DBX1: variants seen among roughly 807,000 people sequenced by gnomAD.
DBX1 encodes homeobox protein DBX1.
In DBX1, 10 loss-of-function variants were observed where a neutral mutation model predicts 20.8. The observed-to-expected ratio is 0.48, with a 90% CI of 0.30 to 0.82. DBX1 has a LOEUF of 0.82. DBX1 is among the 40% of genes least tolerant of loss of function. The pLI is 0.07. For synonymous variants in DBX1, 241 were observed against 213.9 expected (o/e 1.13, Z -1.11); for missense variants, 505 against 468.8 (o/e 1.08, Z -0.71).
chr11:20,156,934 A>G lies in DBX1; in HGVS notation c.672+103T>C. The G allele has an allele frequency of 8.2e-7, 1 of 1,222,026 alleles. No individual in the cohort carries two copies. The highest frequency in any genetic ancestry group is 1.9e-5 in the Admixed American group (1 of 53,336). 75.7% of individuals were successfully genotyped at this position (1,222,026 alleles called of 1,614,324 possible). A position where few individuals can be genotyped will look rare whatever the true frequency, so the allele number is the denominator to read the frequency against. Reference sequence around the variant, plus strand: ...TCTAGGCCTCGGTTTTCCCATCTGTACAGTGGGACCTAAGCCGTTTCCGAA... The same window carrying G: ...TCTAGGCCTCGGTTTTCCCATCTGTGCAGTGGGACCTAAGCCGTTTCCGAA... On this transcript the variant is annotated intron_variant, in intron 3 of 3. Transcript: ENST00000524983. This position sits in a 1 kb window ranked among gnomAD's most constrained non-coding sequence, Gnocchi z 4.8.
At chr11:20,157,301 T>A in intron 2 of DBX1, 62 bp from the exon 3 acceptor site, 1 of 1,453,018 alleles carries the variant, frequency 6.9e-7, no homozygotes, top group Non-Finnish European at 9.3e-7. Context: ...AACACGGCTC[T>A]CCCTGGCTTT....
chr11:20,159,858 T>C, intron 1 of DBX1, 100 bp downstream of exon 1: 8 of 1,500,100 alleles, frequency 5.3e-6, no homozygotes, highest in Non-Finnish European at 7.4e-6. Context: ...TGTGCACCGA[T>C]GTGTGTGTGG....
chr11:20,156,341 T>A lies in DBX1; in HGVS notation c.905A>T (p.Asp302Val), dbSNP rs1202295040. Residue 302 changes from aspartate (D) to valine (V), a missense_variant, in exon 4 of 4, where the codon GAC becomes GTC. Asp to Val is a radical substitution (Grantham distance 152, BLOSUM62 -3). Coordinates refer to ENST00000524983, the MANE Select transcript of DBX1 (RefSeq NM_001029865.4). This position sits in a 1 kb window ranked among gnomAD's most constrained non-coding sequence, Gnocchi z 4.8. ...GGGCAGCGGCCCTGGCAGCCGCGGGTCCCGCAGGTGCTGGGGGTCGGAGGA... is the reference window on the plus strand; with the variant it reads ...GGGCAGCGGCCCTGGCAGCCGCGGGACCCGCAGGTGCTGGGGGTCGGAGGA... ...HASSDPQHLRDPRLPGPLPPS... is the reference protein window; with the variant it reads ...HASSDPQHLRVPRLPGPLPPS... 1.3e-6 allele frequency: 2 copies of A among 1,591,026 alleles called. No individual in the cohort carries two copies. Among genetic ancestry groups the A allele is most frequent in the Non-Finnish European group, 1.7e-6 (2 of 1,167,028 alleles).
Position 20,156,948 on chromosome 11 carries a change from G to A in DBX1, c.672+89C>T. The stretch of plus-strand genomic sequence containing the variant: ...TTCCCATCTGTACAGTGGGACCTAA[G>A]CCGTTTCCGAACCCTTGCAATTGAC... On this transcript the variant is annotated intron_variant, in intron 3 of 3. Coordinates refer to ENST00000524983, the MANE Select transcript of DBX1 (RefSeq NM_001029865.4). This position sits in a 1 kb window ranked among gnomAD's most constrained non-coding sequence, Gnocchi z 4.8. The A allele has an allele frequency of 7.3e-7, 1 of 1,377,986 alleles. No homozygotes were observed. The highest frequency in any genetic ancestry group is 1.0e-6 in the Non-Finnish European group (1 of 990,316). 85.4% of individuals were successfully genotyped at this position (1,377,986 alleles called of 1,614,324 possible).
Position 20,160,385 on chromosome 11 carries a change from T to TTGGCC in DBX1, c.-62_-61insGGCCA. On this transcript the variant is annotated 5_prime_UTR_variant, in exon 1 of 4. Transcript: ENST00000524983. ...GTGGCCGGAGGGTAAACGCCTCGCT[T>TTGGCC]CCCGCCCCTCCCGCCCCCACAGTGT... The TTGGCC allele has an allele frequency of 7.0e-7, 1 of 1,428,088 alleles. No individual in the cohort carries two copies. The highest frequency in any genetic ancestry group is 9.2e-7 in the Non-Finnish European group (1 of 1,088,966). The allele number at this position is 1,428,088 out of a possible 1,614,324, so 88.5% of individuals were successfully genotyped here. A position where few individuals can be genotyped will look rare whatever the true frequency, so the allele number is the denominator to read the frequency against.
At chr11:20,159,874 C>T in intron 1 of DBX1, 84 bp downstream of exon 1, 1 of 1,594,998 alleles carries the variant, frequency 6.3e-7, no homozygotes, top group South Asian at 1.1e-5. Flanking sequence ...TGTGGGGGCC[C>T]GCTCGCTAGA....
chr11:20,160,383 C>CTT lies in DBX1; in HGVS notation c.-61_-60dup. 2 of 1,447,070 alleles carry CTT rather than the reference C, an allele frequency of 1.4e-6. No individual in the cohort carries two copies. The highest frequency in any genetic ancestry group is 1.8e-6 in the Non-Finnish European group (2 of 1,102,526). 89.6% of individuals were successfully genotyped at this position (1,447,070 alleles called of 1,614,324 possible). A position where few individuals can be genotyped will look rare whatever the true frequency, so the allele number is the denominator to read the frequency against. Reference sequence around the variant, plus strand: ...CAGTGGCCGGAGGGTAAACGCCTCGCTTCCCGCCCCTCCCGCCCCCACAGT... The same window carrying CTT: ...CAGTGGCCGGAGGGTAAACGCCTCGCTTTTCCCGCCCCTCCCGCCCCCACAGT... On this transcript the variant is annotated 5_prime_UTR_variant, in exon 1 of 4. Transcript: ENST00000524983.
Position 20,156,649 on chromosome 11 carries a change from G to T in DBX1, c.673-76C>A, listed in dbSNP as rs766649523. 1 of 1,604,230 alleles carries T rather than the reference G, an allele frequency of 6.2e-7. No homozygotes were observed. The highest frequency in any genetic ancestry group is 8.5e-7 in the Non-Finnish European group (1 of 1,172,408). Reference sequence around the variant, plus strand: ...GGGCTCCGGGGGACGCACGGGGGCGGGGAGTGGAGTCGGGTGCAGGCTCTG... The same window carrying T: ...GGGCTCCGGGGGACGCACGGGGGCGTGGAGTGGAGTCGGGTGCAGGCTCTG... On this transcript the variant is annotated intron_variant, in intron 3 of 3. Transcript: ENST00000524983. The surrounding 1 kb of genome is among the most constrained non-coding windows in gnomAD (Gnocchi z 4.8).
rs1401840342 is a variant in DBX1, at chr11:20,159,898, A to G, written c.367+60T>C. On this transcript the variant is annotated intron_variant, in intron 1 of 3. Transcript: ENST00000524983. ...CCGCTCGCTAGAGGAAACTGAGGCC[A>G]GGATGACTCCGCGCATGCCTAGTAC... 1.9e-6 allele frequency: 3 copies of G among 1,611,956 alleles called. No homozygotes were observed. In the African/African-American group the frequency reaches 4.0e-5, roughly 22 times the overall value.
intron 2 of DBX1, 98 bp downstream of exon 2, chr11:20,159,093 C>A: frequency 1.2e-6 from 1 of 856,612 alleles, no homozygotes; most frequent in Non-Finnish European, 1.9e-6. Context: ...AGCATAACCC[C>A]GAGGGGTGGA....
Position 20,156,989 on chromosome 11 carries a change from G to T in DBX1, c.672+48C>A, listed in dbSNP as rs750347877. 7 of 1,570,982 alleles carry T rather than the reference G, an allele frequency of 4.5e-6. No individual in the cohort carries two copies. Among genetic ancestry groups the T allele is most frequent in the Non-Finnish European group, 6.1e-6 (7 of 1,154,018 alleles). ...TGCAATTGACGGGTGCGCCGGGGAGGGGTGAAGGGCGGGGGCGGGGGGGGT... is the reference window on the plus strand; with the variant it reads ...TGCAATTGACGGGTGCGCCGGGGAGTGGTGAAGGGCGGGGGCGGGGGGGGT... On this transcript the variant is annotated intron_variant, in intron 3 of 3. Coordinates refer to ENST00000524983, the MANE Select transcript of DBX1 (RefSeq NM_001029865.4). The surrounding 1 kb of genome is among the most constrained non-coding windows in gnomAD (Gnocchi z 4.8).
rs2063663072 is a variant in DBX1, at chr11:20,157,101, T to C, written c.608A>G (p.Gln203Arg). Residue 203 changes from glutamine (Q) to arginine (R), a missense_variant, in exon 3 of 4, where the codon CAG becomes CGG. Gln to Arg is a conservative substitution (Grantham distance 43). Coordinates refer to ENST00000524983, the MANE Select transcript of DBX1 (RefSeq NM_001029865.4). Reference protein sequence around the residue: ...RKALEKMFQKQKYISKPDRKK... With the variant: ...RKALEKMFQKRKYISKPDRKK... ...GCGGTCGGGCTTGCTGATGTACTTC[T>C]GCTTCTGGAACATCTTCTCCAGCGC... 1 of 1,614,026 alleles carries C rather than the reference T, an allele frequency of 6.2e-7. No individual in the cohort carries two copies. The highest frequency in any genetic ancestry group is 8.5e-7 in the Non-Finnish European group (1 of 1,180,006).
chr11:20,159,650 A>T (rs2063678046), intron 1 of DBX1, among the ~76,000 whole-genome samples: 1 of 151,958 alleles, frequency 6.6e-6, no homozygotes, highest in African/African-American at 2.4e-5. Flanking sequence ...TGTCTCCTAG[A>T]AGCTCGAAGG....
In DBX1 at chr11:20,156,404, C is replaced by A. The variant is rs2063656501; in HGVS notation, c.842G>T (p.Gly281Val). The A allele has an allele frequency of 1.2e-6, 2 of 1,602,320 alleles. No individual in the cohort carries two copies. The highest frequency in any genetic ancestry group is 1.3e-5 in the African/African-American group (1 of 74,746). ...CAGGCGGTGGCTGGGGCTGCCCGGG[C>A]CCTCCTCCTCCTCTTCGTTCCCAGG... ...KGPGNEEEEE[G>V]PGSPSHRLAY... Residue 281 changes from glycine to valine, a missense_variant, in exon 4 of 4, where the codon GGC becomes GTC. Coordinates refer to ENST00000524983, the MANE Select transcript of DBX1 (RefSeq NM_001029865.4). The surrounding 1 kb of genome is among the most constrained non-coding windows in gnomAD (Gnocchi z 4.8).
chr11:20,156,383 C>T lies in DBX1; in HGVS notation c.863G>A (p.Arg288His), dbSNP rs746893276. 6.2e-7 allele frequency: 1 copy of T among 1,607,224 alleles called. No individual in the cohort carries two copies. The highest frequency in any genetic ancestry group is 8.5e-7 in the Non-Finnish European group (1 of 1,176,032). The stretch of plus-strand genomic sequence containing the variant: ...GTCGGAGGACGCGTGGTAGGCCAGG[C>T]GGTGGCTGGGGCTGCCCGGGCCCTC... ...EEEGPGSPSH[R>H]LAYHASSDPQ... Residue 288 changes from arginine (R) to histidine (H), a missense_variant, in exon 4 of 4, where the codon CGC becomes CAC. Physicochemically the swap from Arg to His is conservative, Grantham distance 29. Coordinates refer to ENST00000524983, the MANE Select transcript of DBX1 (RefSeq NM_001029865.4). The surrounding 1 kb of genome is among the most constrained non-coding windows in gnomAD (Gnocchi z 4.8).
rs2063684911 is a variant in DBX1 at position 20,160,475 on chromosome 11, C to T, written c.-151G>A. Reference sequence around the variant, plus strand: ...CCCACTTGGGCGTCTGCGAGTCCTCCGTGGTCCTCTCGTCGAGGTGATGGT... The same window carrying T: ...CCCACTTGGGCGTCTGCGAGTCCTCTGTGGTCCTCTCGTCGAGGTGATGGT... On this transcript the variant is annotated 5_prime_UTR_variant, in exon 1 of 4. Coordinates refer to ENST00000524983, the MANE Select transcript of DBX1 (RefSeq NM_001029865.4). The T allele has an allele frequency of 1.9e-6, 2 of 1,026,278 alleles. No homozygotes were observed. Among genetic ancestry groups the T allele is most frequent in the Non-Finnish European group, 1.3e-6 (1 of 750,958 alleles). The allele number at this position is 1,026,278 out of a possible 1,614,324, so 63.6% of individuals were successfully genotyped here.
At position 20,156,688 on chromosome 11, in the gene DBX1, G is replaced by A; in HGVS notation, c.673-115C>T. The stretch of plus-strand genomic sequence containing the variant: ...GTGCAGGCTCTGTCCTTCGGGCTGT[G>A]TCCTCTCCCCACCCCCAGAAATGAG... On this transcript the variant is annotated intron_variant, in intron 3 of 3. Coordinates refer to ENST00000524983, the MANE Select transcript of DBX1 (RefSeq NM_001029865.4). This position sits in a 1 kb window ranked among gnomAD's most constrained non-coding sequence, Gnocchi z 4.8. The A allele has an allele frequency of 2.1e-6, 3 of 1,445,422 alleles. No homozygotes were observed. The highest frequency in any genetic ancestry group is 2.9e-6 in the Non-Finnish European group (3 of 1,030,986). The allele number at this position is 1,445,422 out of a possible 1,614,324, so 89.5% of individuals were successfully genotyped here.
chr11:20,159,441 A>G (rs2063676746), intron 1 of DBX1, 149 bp from the exon 2 acceptor site: 3 of 621,726 alleles, frequency 4.8e-6, no homozygotes, highest in Non-Finnish European at 8.7e-6. Context: ...TTGACAGGGT[A>G]AAATAAATCT....
At position 20,156,371 on chromosome 11, in the gene DBX1, T is replaced by G; in HGVS notation, c.875A>C (p.His292Pro). Residue 292 changes from histidine (H) to proline (P), a missense_variant, in exon 4 of 4, where the codon CAC (histidine) becomes CCC (proline). Physicochemically the swap from His to Pro is moderately conservative, Grantham distance 77 (BLOSUM62 -2). Transcript: ENST00000524983. This position sits in a 1 kb window ranked among gnomAD's most constrained non-coding sequence, Gnocchi z 4.8. ...PGSPSHRLAY[H>P]ASSDPQHLRD... ...CAGGTGCTGGGGGTCGGAGGACGCGTGGTAGGCCAGGCGGTGGCTGGGGCT... is the reference window on the plus strand; with the variant it reads ...CAGGTGCTGGGGGTCGGAGGACGCGGGGTAGGCCAGGCGGTGGCTGGGGCT... 6.2e-7 allele frequency: 1 copy of G among 1,607,636 alleles called. No homozygotes were observed. Among genetic ancestry groups the G allele is most frequent in the Non-Finnish European group, 8.5e-7 (1 of 1,175,802 alleles).
Sources: gnomAD v4.1 joint callset for allele counts (sites outside exome capture counted in the v4.1 genomes callset) on GRCh38, gnomAD v4.1.1 for gene constraint, Gnocchi (gnomAD v3.1) non-coding constraint, MANE v1.5 for transcripts, NCBI Gene and HGNC (gene_info 2026-07-23, HGNC 2026-07-21) for gene names.